Variants in CCDC141 observed in about 807,000 individuals in gnomAD.
The protein encoded by CCDC141 is coiled-coil domain-containing protein 141.
A neutral mutation model predicts 181.0 loss-of-function variants in CCDC141; 168 were observed. The observed-to-expected ratio is 0.93, with a 90% CI of 0.82 to 1.05. The LOEUF (loss-of-function observed/expected upper bound fraction) is 1.05, where lower values mean the gene tolerates loss of function less well. Among genes scored for constraint, CCDC141 ranks in the 50% least tolerant of loss-of-function variants. The pLI, the probability that CCDC141 is intolerant of heterozygous loss-of-function variation, is 0.00. For missense variants in CCDC141, 1,902 were observed against 1,788.5 expected (o/e 1.06, Z -1.14); for synonymous variants, 666 against 642.3 (o/e 1.04, Z -0.56).
chr2:179,043,336 A>G (rs2043375828), intron 2 of CCDC141, among the ~76,000 whole-genome samples: 4 of 152,192 alleles, frequency 2.6e-5, no homozygotes, highest in Admixed American at 2.6e-4. Context: ...TATTCCAAAA[A>G]TTGAGGAGGA....
At chr2:179,006,101 C>A (rs760894143) in intron 2 of CCDC141, among the ~76,000 whole-genome samples, 7 of 152,224 alleles carry the variant, frequency 4.6e-5, no homozygotes, top group Admixed American at 6.5e-5. Context: ...TCCTCTCAGG[C>A]AGCTTCAAGG....
At chr2:179,041,491 GTTTTTTTTT>G (rs35229059) in intron 2 of CCDC141, among the ~76,000 whole-genome samples, 7 of 58,896 alleles carry the variant, frequency 1.2e-4, no homozygotes, top group East Asian at 6.0e-4. Context: ...TTGGTTGTGG[GTTTTTTTTT>G]TTTTTTTTTT....
intron 8 of CCDC141, among the ~76,000 whole-genome samples, chr2:178,900,767 C>G (rs1299879603): frequency 1.3e-5 from 2 of 152,080 alleles, no homozygotes; most frequent in African/African-American, 4.8e-5. Context: ...AGTTCAGCAT[C>G]AAAACTAAAT....
At chr2:179,009,986 CTT>C in intron 2 of CCDC141, among the ~76,000 whole-genome samples, 1 of 152,170 alleles carries the variant, frequency 6.6e-6, no homozygotes, top group South Asian at 2.1e-4. Flanking sequence ...TTTGGACACA[CTT>C]TTAGAAATGT....
intron 2 of CCDC141, among the ~76,000 whole-genome samples, chr2:179,035,107 G>C (rs1386864791): frequency 9.6e-6 from 1 of 103,788 alleles, no homozygotes; most frequent in Non-Finnish European, 2.1e-5. Flanking sequence ...ATCTCTGTGT[G>C]CTGAATTATA....
At chr2:179,043,610 T>C (rs1054593623) in intron 2 of CCDC141, among the ~76,000 whole-genome samples, 4 of 152,172 alleles carry the variant, frequency 2.6e-5, no homozygotes, top group Admixed American at 6.5e-5. Flanking sequence ...AAAAGGCCTT[T>C]GATAAAATTC....
In CCDC141 at chr2:178,831,572, A is replaced by G. The variant is rs577464235; in HGVS notation, c.*2601T>C. 2 of 152,314 alleles carry G rather than the reference A, an allele frequency of 1.3e-5. No individual in the cohort carries two copies. The highest frequency in any genetic ancestry group is 4.1e-4 in the South Asian group (2 of 4,828). The allele number at this position is 152,314 out of a possible 1,614,324, so 9.4% of individuals were successfully genotyped here. ...ATTATGTATATACCTTAAAATAGAAACAACACTTAAATTTCCTAGGTCTTA... is the reference window on the plus strand; with the variant it reads ...ATTATGTATATACCTTAAAATAGAAGCAACACTTAAATTTCCTAGGTCTTA... On this transcript the variant is annotated 3_prime_UTR_variant, in exon 24 of 24. Transcript: ENST00000443758.
At chr2:178,928,393 C>T (rs1201432540) in intron 6 of CCDC141, among the ~76,000 whole-genome samples, 1 of 152,228 alleles carries the variant, frequency 6.6e-6, no homozygotes, top group African/African-American at 2.4e-5. Context: ...AGGCGGTTCA[C>T]AGATTGACTG....
intron 2 of CCDC141, among the ~76,000 whole-genome samples, chr2:179,045,402 T>C (rs4542889): frequency 0.75 from 110,763 of 147,924 alleles, 42,076 homozygotes; most frequent in East Asian, 0.93. Context: ...TTTCTTAATC[T>C]AGTCTATCAT....
At chr2:179,018,788 G>C (rs2042616866) in intron 2 of CCDC141, among the ~76,000 whole-genome samples, 1 of 152,158 alleles carries the variant, frequency 6.6e-6, no homozygotes, top group Non-Finnish European at 1.5e-5. Context: ...AGCAAGAACA[G>C]TGTCACTCAT....
intron 8 of CCDC141, among the ~76,000 whole-genome samples, chr2:178,900,359 G>T (rs916230331): frequency 2.0e-5 from 3 of 152,080 alleles, no homozygotes; most frequent in Non-Finnish European, 4.4e-5. Context: ...AACTGGTATG[G>T]ATAAGGAAAC....
At chr2:178,866,678 A>AT (rs1685867353) in intron 16 of CCDC141, among the ~76,000 whole-genome samples, 4 of 151,526 alleles carry the variant, frequency 2.6e-5, no homozygotes, top group South Asian at 2.1e-4. Context: ...CTGGAAAAGG[A>AT]TTTTTTTGTT....
intron 5 of CCDC141, among the ~76,000 whole-genome samples, chr2:178,948,461 G>T (rs1689821165): frequency 6.6e-6 from 1 of 152,124 alleles, no homozygotes; most frequent in Admixed American, 6.6e-5. Context: ...TTTAATTAAA[G>T]GTATTTTAAA....
chr2:178,825,991 G>A (rs1220877876), downstream of CCDC141, among the ~76,000 whole-genome samples: 2 of 152,060 alleles, frequency 1.3e-5, no homozygotes, highest in Non-Finnish European at 2.9e-5. Context: ...TCACTAGTTA[G>A]TGTTTCCAGT....
At chr2:178,888,728 G>T in intron 8 of CCDC141, 60 bp from the exon 9 acceptor site, 1 of 1,530,438 alleles carries the variant, frequency 6.5e-7, no homozygotes, top group South Asian at 1.2e-5. Context: ...CAGAATATTT[G>T]AAAACAGATC....
chr2:179,040,688 T>A (rs1014832228), intron 2 of CCDC141, among the ~76,000 whole-genome samples: 4 of 152,192 alleles, frequency 2.6e-5, no homozygotes, highest in Non-Finnish European at 4.4e-5. Flanking sequence ...TCCAGTTCCA[T>A]CTATGTCCCC....
chr2:178,871,601 A>C (rs1436826022), intron 13 of CCDC141, 49 bp from the exon 14 acceptor site: 1 of 1,600,216 alleles, frequency 6.2e-7, no homozygotes, highest in African/African-American at 1.3e-5. Context: ...TGACATCTCC[A>C]GCAAATTTGA....
intron 8 of CCDC141, among the ~76,000 whole-genome samples, chr2:178,889,525 CAG>C (rs1250345445): frequency 6.6e-6 from 1 of 152,062 alleles, no homozygotes; most frequent in African/African-American, 2.4e-5. Flanking sequence ...TTTAATTACC[CAG>C]AGTTTAAAAA....
intron 2 of CCDC141, among the ~76,000 whole-genome samples, chr2:179,040,111 TA>T (rs1456804964): frequency 9.2e-5 from 14 of 152,118 alleles, no homozygotes; most frequent in Non-Finnish European, 4.4e-5. Flanking sequence ...CAGATGAAGG[TA>T]AAAGATCTTT....
Sources: allele counts gnomAD v4.1 joint callset (sites outside exome capture counted in the v4.1 genomes callset), GRCh38; gene constraint gnomAD v4.1.1; transcripts MANE v1.5; gene names NCBI Gene and HGNC (gene_info 2026-07-23, HGNC 2026-07-21).